ITPR2: variants seen among roughly 807,000 people sequenced by gnomAD.
ITPR2 encodes the protein inositol 1,4,5-trisphosphate receptor type 2.
A neutral mutation model predicts 317.1 loss-of-function variants in ITPR2; 207 were observed. The observed-to-expected ratio is 0.65, with a 90% CI of 0.58 to 0.73. The LOEUF (loss-of-function observed/expected upper bound fraction) is 0.73, where lower values mean the gene tolerates loss of function less well. Ranked by LOEUF, ITPR2 falls within the 30% of genes least tolerant of loss-of-function variation. The pLI is 0.00. For missense variants in ITPR2, 2,613 were observed against 3,284.0 expected (o/e 0.80, Z 4.99); for synonymous variants, 1,156 against 1,149.1 (o/e 1.01, Z -0.12).
At chr12:26,463,114 G>A (rs985840345) in intron 45 of ITPR2, among the ~76,000 whole-genome samples, 5 of 151,996 alleles carry the variant, frequency 3.3e-5, no homozygotes, top group African/African-American at 1.2e-4. Context: ...TTTTTATATT[G>A]GCTTATGTGT....
At chr12:26,722,931 G>A (rs1445590611) in intron 4 of ITPR2, among the ~76,000 whole-genome samples, 1 of 152,068 alleles carries the variant, frequency 6.6e-6, no homozygotes, top group Non-Finnish European at 1.5e-5. Flanking sequence ...ATATACTAAA[G>A]AAAGGCCAAG....
At chr12:26,596,204 T>C (rs16931036) in intron 31 of ITPR2, among the ~76,000 whole-genome samples, 32,342 of 152,246 alleles carry the variant, frequency 0.21, 3,640 homozygotes, top group South Asian at 0.26. Context: ...CAATCAATGG[T>C]TATGAATAAT....
At chr12:26,678,405 G>C (rs993010612) in intron 13 of ITPR2, among the ~76,000 whole-genome samples, 2 of 137,740 alleles carry the variant, frequency 1.5e-5, no homozygotes, top group African/African-American at 5.5e-5. Flanking sequence ...TAAGTAAAAA[G>C]GGAAGACAGA....
At chr12:26,563,212 C>T (rs1018508598) in intron 34 of ITPR2, among the ~76,000 whole-genome samples, 4 of 152,178 alleles carry the variant, frequency 2.6e-5, no homozygotes, top group Non-Finnish European at 2.9e-5. Flanking sequence ...ATGCCAAATG[C>T]AGGTGTTAGA....
chr12:26,721,304 G>T, intron 5 of ITPR2: 1 of 615,506 alleles, frequency 1.6e-6, no homozygotes, highest in South Asian at 2.0e-5. Flanking sequence ...GATATCACCA[G>T]ATAATTTATT....
At chr12:26,609,123 G>T (rs527849163) in intron 26 of ITPR2, among the ~76,000 whole-genome samples, 1 of 152,294 alleles carries the variant, frequency 6.6e-6, no homozygotes, top group East Asian at 1.9e-4. Context: ...TGAGAGGGAC[G>T]AATCAGCACT....
intron 34 of ITPR2, among the ~76,000 whole-genome samples, chr12:26,565,484 TGATAGATAGATAGATAGATAGATA>T (rs75320702): frequency 7.9e-5 from 11 of 138,852 alleles, no homozygotes; most frequent in African/African-American, 2.6e-4. Context: ...GATAGACAGA[TGATAGATAGATAGATAGATAGATA>T]GATAGATAGA....
At chr12:26,574,493 T>C (rs1380273224) in intron 34 of ITPR2, among the ~76,000 whole-genome samples, 1 of 152,144 alleles carries the variant, frequency 6.6e-6, no homozygotes, top group Non-Finnish European at 1.5e-5. Flanking sequence ...GTAACAACTT[T>C]CTATTAATTT....
chr12:26,341,324 C>T (rs1938106543), intron 55 of ITPR2, among the ~76,000 whole-genome samples: 1 of 152,176 alleles, frequency 6.6e-6, no homozygotes, highest in African/African-American at 2.4e-5. Flanking sequence ...TAGCAGTGAG[C>T]ATCATGCTTG....
chr12:26,554,106 G>A (rs144592786), intron 36 of ITPR2, among the ~76,000 whole-genome samples: 2,144 of 152,302 alleles, frequency 0.014, 26 homozygotes, highest in Non-Finnish European at 0.02. Flanking sequence ...TCCATCTGCA[G>A]CACAGCTCAA....
intron 54 of ITPR2, among the ~76,000 whole-genome samples, chr12:26,398,479 A>T (rs759491556): frequency 1.3e-5 from 2 of 152,230 alleles, no homozygotes; most frequent in Non-Finnish European, 2.9e-5. Flanking sequence ...AAACATAGTG[A>T]TGTCAGTGAG....
rs889048614 is a variant in ITPR2 at position 26,833,055 on chromosome 12, C to T, written c.-274G>A. On this transcript the variant is annotated 5_prime_UTR_variant, in exon 1 of 57. Transcript: ENST00000381340. ...GCCGCAGCCGCCGCCGCCTCCCCGG[C>T]AGGTTTCCTGTTCCTTTCTGAAGTT... 4 of 442,332 alleles carry T rather than the reference C, an allele frequency of 9.0e-6. No individual in the cohort carries two copies. Among genetic ancestry groups the T allele is most frequent in the African/African-American group, 2.1e-5 (1 of 47,140 alleles). 27.4% of individuals were successfully genotyped at this position (442,332 alleles called of 1,614,324 possible). A position where few individuals can be genotyped will look rare whatever the true frequency, so the allele number is the denominator to read the frequency against.
chr12:26,519,866 G>A (rs942683741), intron 37 of ITPR2, among the ~76,000 whole-genome samples: 5 of 152,168 alleles, frequency 3.3e-5, no homozygotes, highest in Non-Finnish European at 2.9e-5. Context: ...GATATATTAA[G>A]TAAAAAGAGA....
At chr12:26,797,405 G>T (rs1325058015) in intron 1 of ITPR2, among the ~76,000 whole-genome samples, 2 of 152,096 alleles carry the variant, frequency 1.3e-5, no homozygotes, top group Non-Finnish European at 2.9e-5. Flanking sequence ...AATATTAGTT[G>T]TATCTTTTCT....
At chr12:26,340,104 C>T in intron 56 of ITPR2, 63 bp downstream of exon 56, 1 of 1,456,332 alleles carries the variant, frequency 6.9e-7, no homozygotes, top group South Asian at 1.4e-5. Context: ...CCCTCTGTCT[C>T]CCCTCACCGG....
intron 37 of ITPR2, among the ~76,000 whole-genome samples, chr12:26,536,800 C>T (rs1944105569): frequency 6.6e-6 from 1 of 152,136 alleles, no homozygotes; most frequent in African/African-American, 2.4e-5. Context: ...GATCAAGGTT[C>T]CAAAGTCTTA....
intron 13 of ITPR2, among the ~76,000 whole-genome samples, chr12:26,670,192 G>A (rs914529516): frequency 5.3e-5 from 8 of 152,250 alleles, no homozygotes; most frequent in Non-Finnish European, 5.9e-5. Context: ...TTTGAAGAGA[G>A]CATTGGTTCT....
At chr12:26,766,907 G>A (rs1240883752) in intron 2 of ITPR2, among the ~76,000 whole-genome samples, 1 of 152,160 alleles carries the variant, frequency 6.6e-6, no homozygotes, top group East Asian at 1.9e-4. Context: ...CTAGAAAATG[G>A]AAACCACTGA....
intron 32 of ITPR2, among the ~76,000 whole-genome samples, chr12:26,582,299 T>C (rs1326877852): frequency 7.2e-5 from 11 of 152,178 alleles, no homozygotes; most frequent in Admixed American, 7.2e-4. Flanking sequence ...TTTATTTTAA[T>C]TTATTTTCTC....
Sources: allele counts gnomAD v4.1 joint callset (sites outside exome capture counted in the v4.1 genomes callset), GRCh38; gene constraint gnomAD v4.1.1; transcripts MANE v1.5; gene names NCBI Gene and HGNC (gene_info 2026-07-23, HGNC 2026-07-21).